Variants in MOGAT1 observed in about 807,000 individuals in gnomAD.
MOGAT1 encodes 2-acylglycerol O-acyltransferase 1.
In MOGAT1, 32 loss-of-function variants were observed where a neutral mutation model predicts 31.4. The ratio of observed to expected loss-of-function variants is 1.02; its 90% CI spans 0.77 to 1.37. The LOEUF is 1.37. MOGAT1 is among the 40% of genes most tolerant of loss of function. The pLI, the probability that MOGAT1 is intolerant of heterozygous loss-of-function variation, is 0.00. For synonymous variants in MOGAT1, 145 were observed against 144.5 expected (o/e 1.00, Z -0.03); for missense variants, 426 against 402.0 (o/e 1.06, Z -0.51).
At chr2:222,676,261 A>G (rs1559227284) in intron 1 of MOGAT1, among the ~76,000 whole-genome samples, 1 of 151,764 alleles carries the variant, frequency 6.6e-6, no homozygotes, top group African/African-American at 2.4e-5. Flanking sequence ...TGCTGGGATT[A>G]CAGGTGTGAG....
Position 222,709,866 on chromosome 2 carries a change from G to A in MOGAT1, c.984G>A (p.Glu328=), listed in dbSNP as rs370173559. Residue 328 remains glutamate (E), a synonymous_variant, in exon 6 of 6, where the codon GAG becomes GAA. Transcript: ENST00000446656. ...ACAAAGGAAAGTATGGCATTCCAGA[G>A]CACGAGACTCTTGTTTTAAAATGAC... The part of the protein sequence containing the change: ...EEHKGKYGIP[E]HETLVLK 1.9e-6 allele frequency: 3 copies of A among 1,607,466 alleles called. No homozygotes were observed. Among genetic ancestry groups the A allele is most frequent in the Middle Eastern group, 1.7e-4 (1 of 6,052 alleles).
chr2:222,707,135 T>G (rs1159209558), intron 5 of MOGAT1, among the ~76,000 whole-genome samples: 1 of 151,156 alleles, frequency 6.6e-6, no homozygotes, highest in African/African-American at 2.4e-5. Flanking sequence ...GAGGCTGCAG[T>G]GAGACGAGAT....
At chr2:222,687,236 C>T (rs951429904) in intron 1 of MOGAT1, among the ~76,000 whole-genome samples, 4 of 150,296 alleles carry the variant, frequency 2.7e-5, no homozygotes, top group Non-Finnish European at 4.4e-5. Context: ...ACAGATTAAA[C>T]GCTATTTCTC....
At chr2:222,686,018 T>C (rs889933784) in intron 1 of MOGAT1, among the ~76,000 whole-genome samples, 2 of 152,212 alleles carry the variant, frequency 1.3e-5, no homozygotes, top group Non-Finnish European at 2.9e-5. Context: ...GACATTATTT[T>C]TGGATCTGTT....
chr2:222,687,113 C>CAAAAAAAAAAA (rs1177781176), intron 1 of MOGAT1, among the ~76,000 whole-genome samples: 12 of 22,416 alleles, frequency 5.4e-4, no homozygotes, highest in Non-Finnish European at 7.6e-4. Context: ...GACTCCATCT[C>CAAAAAAAAAAA]AAAAAAAAAA....
At chr2:222,703,962 C>T (rs977423936) in intron 5 of MOGAT1, among the ~76,000 whole-genome samples, 1 of 152,000 alleles carries the variant, frequency 6.6e-6, no homozygotes, top group Admixed American at 6.6e-5. Context: ...AGCATAGCAC[C>T]GTAGAAACTG....
intron 1 of MOGAT1, among the ~76,000 whole-genome samples, chr2:222,685,667 C>T (rs1159386742): frequency 7.3e-6 from 1 of 137,376 alleles, no homozygotes; most frequent in East Asian, 2.2e-4. Context: ...ATGGTGCGAT[C>T]TCGGCTCACT....
At chr2:222,686,394 A>G (rs1450096977) in intron 1 of MOGAT1, among the ~76,000 whole-genome samples, 2 of 152,198 alleles carry the variant, frequency 1.3e-5, no homozygotes, top group Admixed American at 6.5e-5. Flanking sequence ...CCACTCAATA[A>G]CTATTCTTTC....
chr2:222,689,502 C>CT, intron 3 of MOGAT1, 33 bp downstream of exon 3: 1 of 1,584,186 alleles, frequency 6.3e-7, no homozygotes, highest in South Asian at 1.1e-5. Flanking sequence ...TTCCACAGTG[C>CT]TTTGGGGTAG....
intron 1 of MOGAT1, among the ~76,000 whole-genome samples, chr2:222,685,410 T>C (rs4674681): frequency 0.4 from 60,383 of 151,994 alleles, 13,423 homozygotes; most frequent in African/African-American, 0.61. Flanking sequence ...CAAGAGCTCA[T>C]AGAATTTGTC....
Position 222,671,782 on chromosome 2 carries a change from G to A in MOGAT1, c.-4G>A. 3 of 1,550,902 alleles carry A rather than the reference G, an allele frequency of 1.9e-6. No individual in the cohort carries two copies. Among genetic ancestry groups the A allele is most frequent in the South Asian group, 1.2e-5 (1 of 84,042 alleles). ...GGCTGGCGCCGTCCTCGCCCGGCCA[G>A]GCCATGAAGGTAGAGTTTGCACCGC... is the stretch of plus-strand genomic sequence containing the variant. On this transcript the variant is annotated 5_prime_UTR_variant, in exon 1 of 6. Transcript: ENST00000446656.
At chr2:222,674,997 T>C (rs964170281) in intron 1 of MOGAT1, among the ~76,000 whole-genome samples, 2 of 152,210 alleles carry the variant, frequency 1.3e-5, no homozygotes, top group African/African-American at 4.8e-5. Context: ...AGCAATTTCT[T>C]TGAGCCCAAA....
chr2:222,680,116 T>C (rs1692555873), intron 1 of MOGAT1, among the ~76,000 whole-genome samples: 1 of 152,240 alleles, frequency 6.6e-6, no homozygotes, highest in Admixed American at 6.5e-5. Flanking sequence ...TTTGCTGTAA[T>C]TTTGTCTTTT....
chr2:222,698,109 G>GA (rs1351873783), intron 5 of MOGAT1, among the ~76,000 whole-genome samples: 3 of 117,126 alleles, frequency 2.6e-5, no homozygotes, highest in Non-Finnish European at 5.3e-5. Context: ...ATAGCAGATG[G>GA]GGTTTTAGTG....
intron 1 of MOGAT1, among the ~76,000 whole-genome samples, chr2:222,681,224 G>C (rs1692575906): frequency 6.6e-6 from 1 of 152,128 alleles, no homozygotes; most frequent in African/African-American, 2.4e-5. Context: ...GGTCTCACAG[G>C]TGAAGAGCTC....
Position 222,709,900 on chromosome 2 carries a change from A to T in MOGAT1, c.*10A>T, listed in dbSNP as rs552710800. ...TCTTGTTTTAAAATGACTTGACTAT[A>T]AAAAAAAATTAAAAAATAAAAATAA... On this transcript the variant is annotated 3_prime_UTR_variant, in exon 6 of 6. Coordinates refer to ENST00000446656, the MANE Select transcript of MOGAT1 (RefSeq NM_058165.3). The T allele has an allele frequency of 1.1e-5, 17 of 1,490,170 alleles. No homozygotes were observed. Among genetic ancestry groups the T allele is most frequent in the African/African-American group, 5.8e-5 (4 of 68,928 alleles). The allele number at this position is 1,490,170 out of a possible 1,614,324, so 92.3% of individuals were successfully genotyped here. A position where few individuals can be genotyped will look rare whatever the true frequency, so the allele number is the denominator to read the frequency against.
chr2:222,688,467 G>C lies in MOGAT1; in HGVS notation c.218G>C (p.Ser73Thr). 1 of 1,613,700 alleles carries C rather than the reference G, an allele frequency of 6.2e-7. No homozygotes were observed. Among genetic ancestry groups the C allele is most frequent in the Middle Eastern group, 1.7e-4 (1 of 6,060 alleles). ...CCAGAGCGAGGAGGCAGGAGATCCA[G>C]CTGGATCAAAAATTGGACTCTTTGG... ...HTPERGGRRSSWIKNWTLWKH... is the reference protein window; with the variant it reads ...HTPERGGRRSTWIKNWTLWKH... Residue 73 changes from serine (S) to threonine (T), a missense_variant, in exon 2 of 6, where the codon AGC (serine) becomes ACC (threonine). Transcript: ENST00000446656.
At position 222,695,287 on chromosome 2, in the gene MOGAT1, T is replaced by C. The variant is rs1692823941; in HGVS notation, c.852T>C (p.Val284=). ...LMTYRKAIHT[V]VGRPIPVRQT... ...CCTATAGGAAAGCCATCCACACTGT[T>C]GGTATGTACATAAAATAACTACAAC... Residue 284 remains valine (V), a splice_region_variant and synonymous_variant, in exon 5 of 6, where the codon GTT becomes GTC. Coordinates refer to ENST00000446656, the MANE Select transcript of MOGAT1 (RefSeq NM_058165.3). 1.9e-6 allele frequency: 3 copies of C among 1,595,104 alleles called. No individual in the cohort carries two copies. Among genetic ancestry groups the C allele is most frequent in the Non-Finnish European group, 1.7e-6 (2 of 1,167,654 alleles).
intron 1 of MOGAT1, chr2:222,677,706 T>C: frequency 2.4e-6 from 1 of 423,384 alleles, no homozygotes; most frequent in Non-Finnish European, 4.7e-6. Flanking sequence ...CTTTCTTGTC[T>C]TTTTCTTTCC....
Sources: allele counts gnomAD v4.1 joint callset (sites outside exome capture counted in the v4.1 genomes callset), GRCh38; gene constraint gnomAD v4.1.1; transcripts MANE v1.5; gene names NCBI Gene and HGNC (gene_info 2026-07-23, HGNC 2026-07-21).